DTNB: variants seen among roughly 807,000 people sequenced by gnomAD.
DTNB encodes the protein DTN-B.
A neutral mutation model predicts 90.7 loss-of-function variants in DTNB; 63 were observed. The ratio of observed to expected loss-of-function variants is 0.69; its 90% CI spans 0.57 to 0.86. The LOEUF (loss-of-function observed/expected upper bound fraction) is 0.86. Ranked by LOEUF, DTNB falls within the 40% of genes least tolerant of loss-of-function variation. The pLI is 0.00. For synonymous variants in DTNB, 277 were observed against 286.7 expected, an observed-to-expected ratio of 0.97 and a Z score of 0.34; for missense variants, 744 against 807.1, an observed-to-expected ratio of 0.92 and a Z score of 0.95.
In DTNB at chr2:25,387,466, C is replaced by G; in HGVS notation, c.1736-88G>C. ...GCAAATGCCTCAGTTCTGCCAGGCC[C>G]GAGAACACAGGTGTGGAACACCTAA... On this transcript the variant is annotated intron_variant, in intron 17 of 20. Coordinates refer to ENST00000406818, the MANE Select transcript of DTNB (RefSeq NM_021907.5). The surrounding 1 kb of genome is among the most constrained non-coding windows in gnomAD (Gnocchi z 4.5). 4.7e-6 allele frequency: 6 copies of G among 1,277,886 alleles called. No individual in the cohort carries two copies. Among genetic ancestry groups the G allele is most frequent in the Non-Finnish European group, 6.7e-6 (6 of 902,126 alleles). 79.2% of individuals were successfully genotyped at this position (1,277,886 alleles called of 1,614,324 possible). A position where few individuals can be genotyped will look rare whatever the true frequency, so the allele number is the denominator to read the frequency against.
intron 8 of DTNB, among the ~76,000 whole-genome samples, chr2:25,564,696 T>C (rs1347989341): frequency 6.6e-6 from 1 of 152,160 alleles, no homozygotes; most frequent in East Asian, 1.9e-4. Context: ...CCTATTTCTT[T>C]CAGCCATGTT....
At chr2:25,460,949 T>G (rs1051654505) in intron 10 of DTNB, among the ~76,000 whole-genome samples, 2 of 151,366 alleles carry the variant, frequency 1.3e-5, no homozygotes, top group Admixed American at 1.3e-4. Context: ...CCAGGCTGCA[T>G]TGCAGTGGTG....
chr2:25,560,881 T>C (rs1338540787), intron 8 of DTNB, among the ~76,000 whole-genome samples: 1 of 152,182 alleles, frequency 6.6e-6, no homozygotes, highest in Non-Finnish European at 1.5e-5. Flanking sequence ...TGGTGGTAGT[T>C]TGTTATGGCC....
intron 8 of DTNB, chr2:25,558,425 A>G (rs1306838048): frequency 1.0e-6 from 1 of 985,118 alleles, no homozygotes; most frequent in East Asian, 1.1e-4. Context: ...AACAAAAAAA[A>G]GATCTAAAGT....
intron 9 of DTNB, among the ~76,000 whole-genome samples, chr2:25,512,506 T>C (rs1404534482): frequency 6.6e-6 from 1 of 152,220 alleles, no homozygotes; most frequent in Non-Finnish European, 1.5e-5. Context: ...AGAAAGTGCT[T>C]ACAATCTTCA....
chr2:25,514,973 G>A (rs1330574717), intron 9 of DTNB, among the ~76,000 whole-genome samples: 4 of 152,100 alleles, frequency 2.6e-5, no homozygotes, highest in South Asian at 2.1e-4. Flanking sequence ...GTGAGTCACC[G>A]CGCCCAGCTG....
chr2:25,497,204 G>C (rs1006970873), intron 9 of DTNB: 5 of 152,252 alleles, frequency 3.3e-5, no homozygotes, highest in African/African-American at 1.2e-4. Context: ...CCTTCCACCA[G>C]CAAGTCCACA....
intron 10 of DTNB, among the ~76,000 whole-genome samples, chr2:25,466,946 C>T (rs1054012482): frequency 6.6e-6 from 1 of 152,272 alleles, no homozygotes; most frequent in South Asian, 2.1e-4. Flanking sequence ...GAAAGAGTTC[C>T]GTCAAAGTGA....
intron 2 of DTNB, among the ~76,000 whole-genome samples, 153 bp downstream of exon 2, chr2:25,652,441 T>C (rs1472886927): frequency 6.6e-6 from 1 of 151,290 alleles, no homozygotes; most frequent in Non-Finnish European, 1.5e-5. Context: ...TGGCTTGGGG[T>C]CCTTCAACTC....
At chr2:25,609,103 T>C (rs1255129795) in intron 4 of DTNB, among the ~76,000 whole-genome samples, 1 of 152,214 alleles carries the variant, frequency 6.6e-6, no homozygotes, top group Non-Finnish European at 1.5e-5. Context: ...TTGCACTATG[T>C]TCCTAGCAGT....
intron 9 of DTNB, among the ~76,000 whole-genome samples, chr2:25,498,600 C>T (rs2150537186): frequency 6.6e-6 from 1 of 152,132 alleles, no homozygotes; most frequent in Non-Finnish European, 1.5e-5. Context: ...ACTGGGAGCA[C>T]TCTGGGAGGC....
intron 10 of DTNB, among the ~76,000 whole-genome samples, chr2:25,478,657 CCT>C (rs1385475310): frequency 1.3e-5 from 2 of 152,048 alleles, no homozygotes; most frequent in Non-Finnish European, 2.9e-5. Context: ...ACCTCAGCCT[CCT>C]CTCTCTCTTC....
chr2:25,471,411 C>T (rs909571443), intron 10 of DTNB, among the ~76,000 whole-genome samples: 46 of 147,852 alleles, frequency 3.1e-4, no homozygotes, highest in African/African-American at 9.0e-4. Flanking sequence ...TTTCCCGAGA[C>T]GGAGTCTCAC....
intron 12 of DTNB, among the ~76,000 whole-genome samples, chr2:25,444,755 G>C (rs1558552191): frequency 6.6e-6 from 1 of 152,014 alleles, no homozygotes; most frequent in African/African-American, 2.4e-5. Context: ...GAAGGTCTTT[G>C]AAAAAAATCA....
intron 2 of DTNB, among the ~76,000 whole-genome samples, chr2:25,643,940 C>A (rs1353356648): frequency 6.6e-6 from 1 of 152,136 alleles, no homozygotes; most frequent in Non-Finnish European, 1.5e-5. Context: ...AAGAAGCCAC[C>A]TAAAACCCAC....
At chr2:25,459,407 C>T (rs894064419) in intron 10 of DTNB, among the ~76,000 whole-genome samples, 4 of 151,700 alleles carry the variant, frequency 2.6e-5, no homozygotes, top group Non-Finnish European at 5.9e-5. Context: ...GGACGTTATC[C>T]CTTTCAACTC....
At chr2:25,469,012 A>AC (rs1360414144) in intron 10 of DTNB, among the ~76,000 whole-genome samples, 4 of 152,240 alleles carry the variant, frequency 2.6e-5, no homozygotes, top group African/African-American at 9.6e-5. Context: ...TGCCAGATCT[A>AC]CATCAGTACT....
chr2:25,461,400 A>C lies in DTNB; in HGVS notation c.1080-5906T>G, dbSNP rs563818930. ...CTAGTTTACCAGATTAAGAAAATTT[A>C]AACTCTTTCCTTTTTGATAAAATAT... On this transcript the variant is annotated intron_variant, in intron 10 of 20. Transcript: ENST00000406818. Among the ~76,000 whole-genome samples the C allele has an allele frequency of 2.0e-5, 3 of 152,360 alleles. No individual in the cohort carries two copies. The East Asian group carries it at 5.8e-4, about 29-fold the overall frequency.
At chr2:25,519,915 T>C (rs528133446) in intron 9 of DTNB, among the ~76,000 whole-genome samples, 3 of 152,316 alleles carry the variant, frequency 2.0e-5, no homozygotes, top group African/African-American at 7.2e-5. Flanking sequence ...AATAAGACTC[T>C]AGTCTCCCAT....
Sources: allele counts gnomAD v4.1 joint callset (sites outside exome capture counted in the v4.1 genomes callset), GRCh38; gene constraint gnomAD v4.1.1; non-coding constraint Gnocchi (gnomAD v3.1); transcripts MANE v1.5; gene names NCBI Gene and HGNC (gene_info 2026-07-23, HGNC 2026-07-21).